ITPR2: variants seen among roughly 807,000 people sequenced by gnomAD.
ITPR2 encodes the protein inositol 1,4,5-trisphosphate receptor type 2.
ITPR2 carries 207 observed loss-of-function variants against 317.1 expected under a neutral mutation model. That is an observed-to-expected ratio of 0.65 (90% CI 0.58 to 0.73). The LOEUF (loss-of-function observed/expected upper bound fraction) is 0.73. Ranked by LOEUF, ITPR2 falls within the 30% of genes least tolerant of loss-of-function variation. The pLI, the probability that ITPR2 is intolerant of heterozygous loss-of-function variation, is 0.00. For synonymous variants in ITPR2, 1,156 were observed against 1,149.1 expected, an observed-to-expected ratio of 1.01 and a Z score of -0.12; for missense variants, 2,613 against 3,284.0, an observed-to-expected ratio of 0.80 and a Z score of 4.99.
chr12:26,573,591 G>C (rs1190239382), intron 34 of ITPR2, among the ~76,000 whole-genome samples: 1 of 152,072 alleles, frequency 6.6e-6, no homozygotes, highest in African/African-American at 2.4e-5. Context: ...CTGCATGGGG[G>C]GTGTTCTGGA....
chr12:26,723,680 T>C (rs1948872944), intron 4 of ITPR2, among the ~76,000 whole-genome samples: 1 of 152,170 alleles, frequency 6.6e-6, no homozygotes, highest in Non-Finnish European at 1.5e-5. Flanking sequence ...CATTTTGCCA[T>C]TGGCCAGTAA....
intron 51 of ITPR2, among the ~76,000 whole-genome samples, chr12:26,412,725 T>C (rs1226292167): frequency 6.6e-6 from 1 of 152,068 alleles, no homozygotes; most frequent in Non-Finnish European, 1.5e-5. Context: ...AAAGGAGTCA[T>C]AGGACTTAGA....
chr12:26,677,685 G>C (rs913916973), intron 13 of ITPR2, among the ~76,000 whole-genome samples: 2 of 152,144 alleles, frequency 1.3e-5, no homozygotes, highest in Admixed American at 6.5e-5. Context: ...AGATTAGATT[G>C]TTTCAAATCA....
chr12:26,669,478 T>A (rs910950756), intron 13 of ITPR2, among the ~76,000 whole-genome samples: 3 of 152,062 alleles, frequency 2.0e-5, no homozygotes, highest in Non-Finnish European at 4.4e-5. Flanking sequence ...AAAACAAAAA[T>A]AAAACTCCTT....
Position 26,602,675 on chromosome 12 carries a change from C to T in ITPR2, c.3494G>A (p.Gly1165Glu). The change falls in exon 27 of 57, where the codon GGA becomes GAA. Residue 1165 changes from glycine (G) to glutamate (E), a missense_variant. Gly to Glu is a moderately conservative substitution (Grantham distance 98). Around this residue, in one of 9 missense-constraint regions of ITPR2, gnomAD observed 817 missense variants for 897.6 expected, o/e 0.91. Coordinates refer to ENST00000381340, the MANE Select transcript of ITPR2 (RefSeq NM_002223.4). ...GCTGTCAATCTGAGGTTTCTTTGTT[C>T]CATCCTGCACTGGACTTAAAATGTT... The part of the protein sequence containing the change: ...ESNILSPVQD[G>E]TKKPQIDSNK... The T allele has an allele frequency of 6.2e-7, 1 of 1,607,902 alleles. No homozygotes were observed. The highest frequency in any genetic ancestry group is 1.3e-5 in the African/African-American group (1 of 74,972).
At chr12:26,452,193 T>C (rs191313935) in intron 45 of ITPR2, among the ~76,000 whole-genome samples, 19 of 152,200 alleles carry the variant, frequency 1.2e-4, no homozygotes, top group South Asian at 2.1e-4. Flanking sequence ...TTCTAATAGA[T>C]AGTAGATGTT....
At chr12:26,817,180 C>CAAAAAA (rs11422176) in intron 1 of ITPR2, among the ~76,000 whole-genome samples, 2 of 57,682 alleles carry the variant, frequency 3.5e-5, no homozygotes, top group Admixed American at 2.5e-4. Context: ...GAGTCTCTTT[C>CAAAAAA]AAAAAAAAAA....
intron 33 of ITPR2, among the ~76,000 whole-genome samples, chr12:26,579,737 C>T (rs1484151884): frequency 2.6e-5 from 4 of 152,070 alleles, no homozygotes; most frequent in Non-Finnish European, 4.4e-5. Context: ...GGCAAAATGT[C>T]TATCATTTAA....
intron 13 of ITPR2, among the ~76,000 whole-genome samples, chr12:26,672,270 C>T (rs1947795185): frequency 6.6e-6 from 1 of 151,534 alleles, no homozygotes; most frequent in Non-Finnish European, 1.5e-5. Context: ...CCACACCACA[C>T]CTATTCCAAA....
In ITPR2 at chr12:26,696,125, G is replaced by A. The variant is rs554635552; in HGVS notation, c.952-475C>T. On this transcript the variant is annotated intron_variant, in intron 9 of 56. Transcript: ENST00000381340. ...ATATAAGATATGTGAGCAAATACATGAGGACTACTGAAACAAACAAACACA... is the reference window on the plus strand; with the variant it reads ...ATATAAGATATGTGAGCAAATACATAAGGACTACTGAAACAAACAAACACA... Among the ~76,000 whole-genome samples the A allele has an allele frequency of 3.3e-5, 5 of 152,264 alleles. No homozygotes were observed. In the East Asian group the frequency reaches 9.6e-4, roughly 29 times the overall value.
At chr12:26,556,596 T>TGTGTG (rs1565601631) in intron 35 of ITPR2, among the ~76,000 whole-genome samples, 2 of 116,564 alleles carry the variant, frequency 1.7e-5, no homozygotes. Context: ...GTGTGTGTGT[T>TGTGTG]TTTGTTTATA....
chr12:26,561,636 G>A (rs1944821400), intron 35 of ITPR2, 126 bp downstream of exon 35: 3 of 709,630 alleles, frequency 4.2e-6, no homozygotes, highest in Non-Finnish European at 4.4e-6. Flanking sequence ...GTAGTAGAGA[G>A]TTGTAAAGCA....
intron 2 of ITPR2, among the ~76,000 whole-genome samples, chr12:26,787,137 G>A (rs1238829515): frequency 1.3e-5 from 2 of 152,058 alleles, no homozygotes; most frequent in African/African-American, 4.8e-5. Context: ...CTGTTAAGAA[G>A]GCCAGGGCAG....
chr12:26,539,709 C>T (rs1944204384), intron 37 of ITPR2, among the ~76,000 whole-genome samples: 1 of 152,240 alleles, frequency 6.6e-6, no homozygotes, highest in Non-Finnish European at 1.5e-5. Flanking sequence ...GTCCCCTGGT[C>T]CCAGTGCCTT....
At chr12:26,782,064 A>AGCGAGC (rs1950105548) in intron 2 of ITPR2, among the ~76,000 whole-genome samples, 2 of 137,912 alleles carry the variant, frequency 1.5e-5, no homozygotes, top group Non-Finnish European at 3.1e-5. Flanking sequence ...AGAGAGAGAG[A>AGCGAGC]GAGAGAGAGC....
intron 32 of ITPR2, among the ~76,000 whole-genome samples, chr12:26,589,820 AT>A (rs1565624264): frequency 0.02 from 765 of 38,566 alleles, 195 homozygotes; most frequent in Non-Finnish European, 0.037. Flanking sequence ...AAATAAATAA[AT>A]AAATAAATAA....
chr12:26,501,289 G>T (rs1290394154), intron 37 of ITPR2, among the ~76,000 whole-genome samples: 1 of 152,138 alleles, frequency 6.6e-6, no homozygotes, highest in Non-Finnish European at 1.5e-5. Context: ...TTCCTCATTT[G>T]AATTGCCAGG....
chr12:26,790,697 T>TGCCTTTTTTTTTCC (rs1316444225), intron 1 of ITPR2, among the ~76,000 whole-genome samples: 1 of 146,530 alleles, frequency 6.8e-6, no homozygotes, highest in African/African-American at 2.5e-5. Context: ...TTTATTTTCC[T>TGCCTTTTTTTTTCC]GTCTTTTATT....
chr12:26,571,908 T>G (rs764503754), intron 34 of ITPR2, among the ~76,000 whole-genome samples: 2 of 152,220 alleles, frequency 1.3e-5, no homozygotes, highest in African/African-American at 4.8e-5. Context: ...TTTTTGATGC[T>G]AGATGAGTTG....
Sources: gnomAD v4.1 joint callset for allele counts (sites outside exome capture counted in the v4.1 genomes callset) on GRCh38, gnomAD v4.1.1 for gene constraint, gnomAD v4.1.1 regional missense constraint, MANE v1.5 for transcripts, NCBI Gene and HGNC (gene_info 2026-07-23, HGNC 2026-07-21) for gene names.